KIAA1549L: variants seen among roughly 807,000 people sequenced by gnomAD.
The protein encoded by KIAA1549L is UPF0606 protein KIAA1549L.
KIAA1549L carries 88 observed loss-of-function variants against 160.7 expected under a neutral mutation model. The observed-to-expected ratio is 0.55, with a 90% CI of 0.46 to 0.65. KIAA1549L has a LOEUF of 0.65. Ranked by LOEUF, KIAA1549L falls within the 30% of genes least tolerant of loss-of-function variation. The pLI is 0.00. For synonymous variants in KIAA1549L, 950 were observed against 976.7 expected (o/e 0.97, Z 0.51); for missense variants, 2,258 against 2,437.5 (o/e 0.93, Z 1.55).
intron 8 of KIAA1549L, 38 bp downstream of exon 8, chr11:33,561,773 TC>T: frequency 7.2e-7 from 1 of 1,397,570 alleles, no homozygotes; most frequent in Non-Finnish European, 1.0e-6. Flanking sequence ...CTTCATGCTG[TC>T]AGATTGATTT....
intron 18 of KIAA1549L, among the ~76,000 whole-genome samples, chr11:33,657,130 G>T (rs1852092639): frequency 6.7e-6 from 1 of 149,072 alleles, no homozygotes; most frequent in African/African-American, 2.5e-5. Context: ...GGAAGCCAGG[G>T]CTGTGGGAAC....
rs190946270 is a variant in KIAA1549L at position 33,397,207 on chromosome 11, G to C, written c.238+20318G>C. Among the ~76,000 whole-genome samples the C allele has an allele frequency of 6.1e-3, 840 of 138,570 alleles. 6 individuals carry two copies. The highest frequency in any genetic ancestry group is 8.5e-3 in the Non-Finnish European group (544 of 63,786). The allele number at this position is 138,570 out of a possible 152,430, so 90.9% of individuals were successfully genotyped here. ...AAATTAGCCGGACGTGGTGGCAGGC[G>C]CCTGTAGTCCCAGCTACTTAGGAGG... On this transcript the variant is annotated intron_variant, in intron 1 of 20. Coordinates refer to ENST00000658780, the MANE Select transcript of KIAA1549L (RefSeq NM_012194.3).
chr11:33,646,200 A>G (rs79442026), intron 17 of KIAA1549L, among the ~76,000 whole-genome samples, 164 bp downstream of exon 17: 3,657 of 152,260 alleles, frequency 0.024, 165 homozygotes, highest in African/African-American at 0.083. Flanking sequence ...CCATGATCCA[A>G]AGCCTAAGCT....
At position 33,515,815 on chromosome 11, in the gene KIAA1549L, G is replaced by A. The variant is rs142304558; in HGVS notation, c.239-25987G>A. ...TGAGTCAGTGCTCCAGAAAAGTAAC[G>A]TGATGCATCTGTTGGTAGCAAGAAC... is the stretch of plus-strand genomic sequence containing the variant. On this transcript the variant is annotated intron_variant, in intron 1 of 20. Coordinates refer to ENST00000658780, the MANE Select transcript of KIAA1549L (RefSeq NM_012194.3). Among the ~76,000 whole-genome samples the A allele has an allele frequency of 2.6e-3, 397 of 152,174 alleles. 2 individuals carry two copies. In the Middle Eastern group the frequency reaches 0.058, roughly 22 times the overall value.
intron 20 of KIAA1549L, among the ~76,000 whole-genome samples, chr11:33,662,207 T>C (rs1350846873): frequency 2.0e-5 from 3 of 152,202 alleles, no homozygotes; most frequent in African/African-American, 4.8e-5. Context: ...TTTTTGGAGT[T>C]ACTATCATGG....
chr11:33,477,591 CTTTT>C (rs1449288741), intron 1 of KIAA1549L, among the ~76,000 whole-genome samples: 2 of 151,558 alleles, frequency 1.3e-5, no homozygotes, highest in African/African-American at 4.9e-5. Flanking sequence ...CTCTTGCTCA[CTTTT>C]CCAGCCTTGT....
chr11:33,376,333 G>C lies in KIAA1549L; in HGVS notation c.-319G>C, dbSNP rs1201611924. 4 of 148,628 alleles carry C rather than the reference G, an allele frequency of 2.7e-5. No homozygotes were observed. Among genetic ancestry groups the C allele is most frequent in the African/African-American group, 7.3e-5 (3 of 41,022 alleles). 9.2% of individuals were successfully genotyped at this position (148,628 alleles called of 1,614,324 possible). ...CCTAGTTCTGCAGGAGCCGGCCCGG[G>C]GGAGGGGGCCCCGGGCGGCGCCCGT... is the stretch of plus-strand genomic sequence containing the variant. On this transcript the variant is annotated 5_prime_UTR_variant, in exon 1 of 21. Transcript: ENST00000658780. The surrounding 1 kb of genome is among the most constrained non-coding windows in gnomAD (Gnocchi z 5.8).
intron 10 of KIAA1549L, among the ~76,000 whole-genome samples, chr11:33,582,899 C>T (rs746811930): frequency 3.9e-5 from 6 of 152,208 alleles, no homozygotes; most frequent in Non-Finnish European, 5.9e-5. Context: ...GACTACACTA[C>T]AATATTGAGA....
In KIAA1549L at chr11:33,543,764, G is replaced by T; in HGVS notation, c.2201G>T (p.Trp734Leu). 1 of 1,614,006 alleles carries T rather than the reference G, an allele frequency of 6.2e-7. No homozygotes were observed. The highest frequency in any genetic ancestry group is 8.5e-7 in the Non-Finnish European group (1 of 1,179,882). The part of the protein sequence containing the change: ...LNGHTISTTS[W>L]ETHLAPTAPP... The stretch of plus-strand genomic sequence containing the variant: ...GGACACACAATTAGCACCACAAGTT[G>T]GGAAACTCATTTAGCTCCAACAGCT... The change falls in exon 2 of 21, where the codon TGG becomes TTG. Residue 734 changes from tryptophan (W) to leucine (L), a missense_variant. By Grantham distance (61) the Trp-to-Leu change is moderately conservative. Around this residue, in one of 6 missense-constraint regions of KIAA1549L, gnomAD observed 287 missense variants for 292.3 expected, o/e 0.98. Coordinates refer to ENST00000658780, the MANE Select transcript of KIAA1549L (RefSeq NM_012194.3).
At chr11:33,558,421 C>T (rs1051817008) in intron 6 of KIAA1549L, among the ~76,000 whole-genome samples, 1 of 152,078 alleles carries the variant, frequency 6.6e-6, no homozygotes, top group Non-Finnish European at 1.5e-5. Context: ...ATACTTTGAC[C>T]TCACCCTCCT....
chr11:33,473,864 T>G (rs1852232553), intron 1 of KIAA1549L, among the ~76,000 whole-genome samples: 1 of 152,218 alleles, frequency 6.6e-6, no homozygotes, highest in African/African-American at 2.4e-5. Flanking sequence ...GTTTTTGTGT[T>G]ACTATAAAGG....
At chr11:33,643,285 G>A (rs1851635802) in intron 16 of KIAA1549L, among the ~76,000 whole-genome samples, 2 of 152,098 alleles carry the variant, frequency 1.3e-5, no homozygotes, top group Non-Finnish European at 2.9e-5. Flanking sequence ...ACATATATAT[G>A]TGTGGTGGCC....
chr11:33,550,707 A>T lies in KIAA1549L; in HGVS notation c.3502-333A>T, dbSNP rs148960128. Among the ~76,000 whole-genome samples the T allele has an allele frequency of 2.7e-3, 411 of 152,336 alleles. 2 individuals carry two copies. Among genetic ancestry groups the T allele is most frequent in the Non-Finnish European group, 2.5e-3 (168 of 68,036 alleles). On this transcript the variant is annotated intron_variant, in intron 4 of 20. Coordinates refer to ENST00000658780, the MANE Select transcript of KIAA1549L (RefSeq NM_012194.3). ...AGTGATTTTCCCCAGCATTTCATTC[A>T]CTGAAAATCTCTTTGAACTACTCTC...
At position 33,507,603 on chromosome 11, in the gene KIAA1549L, C is replaced by A. The variant is rs1853121940; in HGVS notation, c.239-34199C>A. ...AGGCCGTTTTTGGTTCTCAGTCTGACCCCTGGCAGTAGCTTGCCAACTGTG... is the reference window on the plus strand; with the variant it reads ...AGGCCGTTTTTGGTTCTCAGTCTGAACCCTGGCAGTAGCTTGCCAACTGTG... On this transcript the variant is annotated intron_variant, in intron 1 of 20. Coordinates refer to ENST00000658780, the MANE Select transcript of KIAA1549L (RefSeq NM_012194.3). 9.9e-5 allele frequency among the ~76,000 whole-genome samples: 15 copies of A among 152,202 alleles called. 1 individual carries two copies. In the South Asian group the frequency reaches 3.1e-3, roughly 32 times the overall value.
chr11:33,510,884 G>A (rs1352150248), intron 1 of KIAA1549L, among the ~76,000 whole-genome samples: 3 of 152,242 alleles, frequency 2.0e-5, no homozygotes, highest in Non-Finnish European at 2.9e-5. Context: ...GAACCACTGG[G>A]ATGGAGAAAG....
chr11:33,649,214 A>T (rs955189807), intron 17 of KIAA1549L, among the ~76,000 whole-genome samples: 20 of 152,074 alleles, frequency 1.3e-4, no homozygotes, highest in African/African-American at 4.3e-4. Flanking sequence ...TAATCTTCTT[A>T]TAAGGAAGCT....
intron 9 of KIAA1549L, among the ~76,000 whole-genome samples, chr11:33,572,180 G>C (rs1259390823): frequency 6.6e-6 from 1 of 152,120 alleles, no homozygotes; most frequent in Non-Finnish European, 1.5e-5. Flanking sequence ...GGGAGTACAG[G>C]TGTGTGCCAC....
intron 1 of KIAA1549L, among the ~76,000 whole-genome samples, chr11:33,417,822 G>A (rs1003951372): frequency 6.6e-6 from 1 of 151,748 alleles, no homozygotes; most frequent in African/African-American, 2.4e-5. Flanking sequence ...CTGTCGCCCA[G>A]GCTGGAGTGC....
At chr11:33,475,731 T>C (rs79082409) in intron 1 of KIAA1549L, among the ~76,000 whole-genome samples, 10,071 of 150,232 alleles carry the variant, frequency 0.067, 498 homozygotes, top group South Asian at 0.13. Flanking sequence ...GTGGTGCACA[T>C]CTATGGTCCC....
Sources: allele counts gnomAD v4.1 joint callset (sites outside exome capture counted in the v4.1 genomes callset), GRCh38; gene constraint gnomAD v4.1.1; regional missense constraint gnomAD v4.1.1; non-coding constraint Gnocchi (gnomAD v3.1); transcripts MANE v1.5; gene names NCBI Gene and HGNC (gene_info 2026-07-23, HGNC 2026-07-21).